Variants in WWOX observed in about 807,000 individuals in gnomAD.
WWOX encodes the protein WW domain-containing oxidoreductase.
WWOX carries 69 observed loss-of-function variants against 46.2 expected under a neutral mutation model. That is an observed-to-expected ratio of 1.49 (90% CI 1.23 to 1.82). The LOEUF is 1.82. Ranked by LOEUF, WWOX falls within the 40% of genes most tolerant of loss-of-function variation. The probability of loss-of-function intolerance (pLI) is 0.00; values close to 1 mark genes in which losing one functional copy is unlikely to be tolerated. For synonymous variants in WWOX, 359 were observed against 202.6 expected, an observed-to-expected ratio of 1.77 and a Z score of -6.56; for missense variants, 919 against 542.6, an observed-to-expected ratio of 1.69 and a Z score of -6.89.
At chr16:78,411,076 A>G (rs2082669455) in intron 6 of WWOX, among the ~76,000 whole-genome samples, 1 of 152,184 alleles carries the variant, frequency 6.6e-6, no homozygotes, top group African/African-American at 2.4e-5. Context: ...AGAAGCCAGC[A>G]TCTTTTTGTA....
At chr16:78,262,352 G>T (rs7195585) in intron 5 of WWOX, among the ~76,000 whole-genome samples, 45,007 of 152,092 alleles carry the variant, frequency 0.3, 6,938 homozygotes, top group East Asian at 0.43. Context: ...TGATCTTCCT[G>T]TTAGAAGATC....
chr16:79,007,457 G>T (rs2047213048), intron 8 of WWOX, among the ~76,000 whole-genome samples: 1 of 152,186 alleles, frequency 6.6e-6, no homozygotes, highest in Non-Finnish European at 1.5e-5. Flanking sequence ...AGAAGATGAG[G>T]CCAGGGGATT....
intron 8 of WWOX, among the ~76,000 whole-genome samples, chr16:78,914,743 C>G (rs7206452): frequency 0.74 from 111,348 of 151,012 alleles, 41,780 homozygotes; most frequent in East Asian, 0.97. Flanking sequence ...ACTGGGCATG[C>G]TGGCAGGCGC....
chr16:79,001,220 C>T (rs886504481), intron 8 of WWOX, among the ~76,000 whole-genome samples: 7 of 152,118 alleles, frequency 4.6e-5, no homozygotes, highest in East Asian at 1.9e-4. Context: ...GAACGGAGGC[C>T]GGTTAGAGAC....
chr16:78,400,104 C>G (rs529801468), intron 6 of WWOX, among the ~76,000 whole-genome samples: 20 of 152,250 alleles, frequency 1.3e-4, no homozygotes, highest in African/African-American at 4.3e-4. Flanking sequence ...CGGGACCTCT[C>G]AATTAGCGGT....
At chr16:79,005,552 G>A (rs76353187) in intron 8 of WWOX, among the ~76,000 whole-genome samples, 11,559 of 152,212 alleles carry the variant, frequency 0.076, 645 homozygotes, top group East Asian at 0.23. Context: ...TTCCCGGCCT[G>A]TAGGTATTTC....
chr16:78,782,519 A>C (rs2050355624), intron 8 of WWOX, among the ~76,000 whole-genome samples: 1 of 152,162 alleles, frequency 6.6e-6, no homozygotes, highest in Non-Finnish European at 1.5e-5. Flanking sequence ...ACTACTTGGT[A>C]ATTGAATTCA....
intron 8 of WWOX, among the ~76,000 whole-genome samples, chr16:78,915,764 C>G (rs2045235822): frequency 1.3e-5 from 2 of 152,298 alleles, no homozygotes; most frequent in Non-Finnish European, 2.9e-5. Flanking sequence ...TTATTGGAAT[C>G]ACTTCGAAAA....
At chr16:78,462,162 A>T (rs936036730) in intron 8 of WWOX, among the ~76,000 whole-genome samples, 19 of 152,338 alleles carry the variant, frequency 1.2e-4, no homozygotes, top group African/African-American at 4.3e-4. Context: ...AGTTGTGGAA[A>T]AGGTAATTTA....
At chr16:78,537,970 A>T (rs1412163475) in intron 8 of WWOX, among the ~76,000 whole-genome samples, 1 of 152,116 alleles carries the variant, frequency 6.6e-6, no homozygotes, top group African/African-American at 2.4e-5. Context: ...GATAATCAGT[A>T]AATGAAATTC....
chr16:79,000,959 A>C (rs1310206039), intron 8 of WWOX, among the ~76,000 whole-genome samples: 1 of 152,184 alleles, frequency 6.6e-6, no homozygotes, highest in Non-Finnish European at 1.5e-5. Context: ...TGTGTGGTTC[A>C]ACTATGAGAT....
intron 5 of WWOX, among the ~76,000 whole-genome samples, chr16:78,297,491 C>A (rs2079962140): frequency 2.0e-5 from 3 of 152,074 alleles, no homozygotes; most frequent in African/African-American, 7.2e-5. Context: ...AAAAAATATG[C>A]CATTTAGTTT....
At chr16:78,711,911 G>T (rs770662915) in intron 8 of WWOX, among the ~76,000 whole-genome samples, 4 of 152,092 alleles carry the variant, frequency 2.6e-5, no homozygotes, top group Non-Finnish European at 4.4e-5. Flanking sequence ...TCCAAATTCA[G>T]AACAAAGCTC....
intron 6 of WWOX, among the ~76,000 whole-genome samples, chr16:78,392,170 C>A (rs879764067): frequency 6.6e-6 from 1 of 152,068 alleles, no homozygotes; most frequent in Non-Finnish European, 1.5e-5. Flanking sequence ...TAGGAAGCTG[C>A]GTCTGTGCTT....
At position 79,147,206 on chromosome 16, in the gene WWOX, A is replaced by C. The variant is rs534717191; in HGVS notation, c.1057-64402A>C. 2.0e-5 allele frequency among the ~76,000 whole-genome samples: 3 copies of C among 152,326 alleles called. No individual in the cohort carries two copies. In the South Asian group the frequency reaches 6.2e-4, roughly 32 times the overall value. The stretch of plus-strand genomic sequence containing the variant: ...TCAAGACAGTGAACAGTGCATCACC[A>C]CAAAATTCCCTTGCGTTGCCTTGCA... On this transcript the variant is annotated intron_variant, in intron 8 of 8. Transcript: ENST00000566780.
intron 5 of WWOX, among the ~76,000 whole-genome samples, chr16:78,336,751 T>C (rs532685813): frequency 6.6e-6 from 1 of 152,126 alleles, no homozygotes; most frequent in Non-Finnish European, 1.5e-5. Context: ...ATAAAAATGG[T>C]ATTTCCTGAG....
intron 8 of WWOX, among the ~76,000 whole-genome samples, chr16:78,659,126 A>G (rs1238845562): frequency 6.6e-6 from 1 of 151,656 alleles, no homozygotes; most frequent in African/African-American, 2.4e-5. Flanking sequence ...AAAAAAAACA[A>G]AACACATGCT....
chr16:78,272,010 G>C (rs562015881), intron 5 of WWOX, among the ~76,000 whole-genome samples: 1 of 152,190 alleles, frequency 6.6e-6, no homozygotes, highest in Non-Finnish European at 1.5e-5. Flanking sequence ...AGATAAGTCA[G>C]CCAAACTTTT....
At chr16:78,311,893 T>G (rs1377775905) in intron 5 of WWOX, among the ~76,000 whole-genome samples, 6 of 152,200 alleles carry the variant, frequency 3.9e-5, no homozygotes, top group Non-Finnish European at 5.9e-5. Flanking sequence ...GTCAGAGGTC[T>G]GACACAGGCC....
Sources: allele counts gnomAD v4.1 joint callset (sites outside exome capture counted in the v4.1 genomes callset), GRCh38; gene constraint gnomAD v4.1.1; transcripts MANE v1.5; gene names NCBI Gene and HGNC (gene_info 2026-07-23, HGNC 2026-07-21).